Variants in NRXN3 observed in about 807,000 individuals in gnomAD.
NRXN3 encodes the protein neurexin III.
Under a neutral mutation model 137.6 loss-of-function variants are expected in NRXN3, and 32 were observed. That is an observed-to-expected ratio of 0.23 (90% CI 0.18 to 0.31). The LOEUF (loss-of-function observed/expected upper bound fraction) is 0.31, where lower values mean the gene tolerates loss of function less well. Ranked by LOEUF, NRXN3 falls within the 10% of genes least tolerant of loss-of-function variation. The pLI, the probability that NRXN3 is intolerant of heterozygous loss-of-function variation, is 1.00. For synonymous variants in NRXN3, 798 were observed against 784.5 expected, an observed-to-expected ratio of 1.02 and a Z score of -0.29; for missense variants, 1,574 against 2,062.5, an observed-to-expected ratio of 0.76 and a Z score of 4.59.
chr14:78,654,149 A>G (rs749279744), intron 6 of NRXN3, among the ~76,000 whole-genome samples: 4 of 152,180 alleles, frequency 2.6e-5, no homozygotes, highest in Non-Finnish European at 5.9e-5. Context: ...TTCTGTGGGC[A>G]GGTCTATGGA....
At chr14:79,790,472 A>C (rs562263130) in intron 19 of NRXN3, among the ~76,000 whole-genome samples, 2 of 150,902 alleles carry the variant, frequency 1.3e-5, no homozygotes, top group African/African-American at 2.4e-5. Context: ...CTAATGTTTA[A>C]TTTTTTTTTA....
At chr14:78,863,236 T>C (rs1313906896) in intron 10 of NRXN3, among the ~76,000 whole-genome samples, 1 of 152,140 alleles carries the variant, frequency 6.6e-6, no homozygotes, top group Non-Finnish European at 1.5e-5. Flanking sequence ...CTTATATGCA[T>C]GACAGCCAAA....
intron 16 of NRXN3, among the ~76,000 whole-genome samples, chr14:79,476,906 A>C (rs2096564596): frequency 1.3e-5 from 2 of 152,112 alleles, no homozygotes; most frequent in Admixed American, 1.3e-4. Flanking sequence ...TTACACCCCT[A>C]ATGAAAGTTT....
intron 4 of NRXN3, among the ~76,000 whole-genome samples, chr14:78,564,257 G>A (rs569814248): frequency 6.6e-6 from 1 of 152,198 alleles, no homozygotes; most frequent in Non-Finnish European, 1.5e-5. Flanking sequence ...TTTTGTCTCC[G>A]CCCTCTTTTG....
chr14:79,346,758 C>T (rs1280461117), intron 15 of NRXN3, among the ~76,000 whole-genome samples: 1 of 152,178 alleles, frequency 6.6e-6, no homozygotes. Flanking sequence ...GGTTCACTTA[C>T]ATCTCGCCTC....
intron 4 of NRXN3, among the ~76,000 whole-genome samples, chr14:78,540,435 CTTTTTTTTT>C (rs537566835): frequency 1.7e-5 from 2 of 116,600 alleles, no homozygotes; most frequent in East Asian, 2.5e-4. Context: ...GCAACCCCTG[CTTTTTTTTT>C]TTTTTTTTGC....
intron 15 of NRXN3, among the ~76,000 whole-genome samples, chr14:79,456,054 CTAAT>C (rs1405890257): frequency 5.9e-5 from 9 of 151,978 alleles, no homozygotes; most frequent in Non-Finnish European, 1.0e-4. Flanking sequence ...CATTAATACT[CTAAT>C]TATTAGGTTT....
intron 4 of NRXN3, among the ~76,000 whole-genome samples, chr14:78,312,847 C>T (rs1168639213): frequency 2.0e-5 from 3 of 152,110 alleles, no homozygotes; most frequent in Non-Finnish European, 2.9e-5. Context: ...AGATAAAATG[C>T]ATGAGCACTA....
rs746222725 is a variant in NRXN3, at chr14:79,820,473, A to C, written c.4093+15283A>C. 7.7e-4 allele frequency among the ~76,000 whole-genome samples: 117 copies of C among 152,302 alleles called. No individual in the cohort carries two copies. The Middle Eastern group carries it at 0.01, about 13-fold the overall frequency. ...AGATTTAGTACTACCAGCCAGATTT[A>C]GTACTACTGCAAAAATGGCTTTTCC... is the stretch of plus-strand genomic sequence containing the variant. On this transcript the variant is annotated intron_variant, in intron 20 of 20. Transcript: ENST00000335750.
intron 20 of NRXN3, among the ~76,000 whole-genome samples, chr14:79,850,107 A>G (rs1177109449): frequency 6.6e-6 from 1 of 152,224 alleles, no homozygotes; most frequent in African/African-American, 2.4e-5. Context: ...CATAGGAGAA[A>G]CAGATGTGGA....
chr14:78,225,974 G>GTTGGGGT (rs1394081828), intron 1 of NRXN3, among the ~76,000 whole-genome samples: 1 of 123,632 alleles, frequency 8.1e-6, no homozygotes, highest in Non-Finnish European at 1.7e-5. Context: ...TGTGTGTGTT[G>GTTGGGGT]GTGTGTGTGT....
At chr14:78,404,782 A>T (rs2092373083) in intron 4 of NRXN3, among the ~76,000 whole-genome samples, 1 of 152,200 alleles carries the variant, frequency 6.6e-6, no homozygotes, top group African/African-American at 2.4e-5. Context: ...TTAGAATGAT[A>T]AGATGGAGTA....
At chr14:79,795,857 ACT>A (rs763391269) in intron 19 of NRXN3, among the ~76,000 whole-genome samples, 6 of 151,804 alleles carry the variant, frequency 4.0e-5, no homozygotes, top group Non-Finnish European at 8.8e-5. Context: ...ACTAACATGC[ACT>A]CTTTTCTTGT....
chr14:78,418,334 G>A (rs1387057502), intron 4 of NRXN3, among the ~76,000 whole-genome samples: 1 of 152,168 alleles, frequency 6.6e-6, no homozygotes, highest in Non-Finnish European at 1.5e-5. Flanking sequence ...GGGCTGCCAA[G>A]CTTCTCTGAA....
intron 16 of NRXN3, among the ~76,000 whole-genome samples, chr14:79,524,384 C>T (rs554829805): frequency 4.3e-4 from 65 of 152,250 alleles, no homozygotes; most frequent in African/African-American, 1.4e-3. Flanking sequence ...TCTAAGTGGA[C>T]CTTACTTCTC....
chr14:79,132,100 C>A (rs2057601578), intron 15 of NRXN3, among the ~76,000 whole-genome samples: 1 of 152,244 alleles, frequency 6.6e-6, no homozygotes, highest in Non-Finnish European at 1.5e-5. Flanking sequence ...GTGAGATGAA[C>A]CTGGTACCTC....
At chr14:79,297,165 AG>A (rs2084321862) in intron 15 of NRXN3, among the ~76,000 whole-genome samples, 1 of 152,218 alleles carries the variant, frequency 6.6e-6, no homozygotes, top group East Asian at 1.9e-4. Context: ...CCCAGGCCAT[AG>A]GTTCTCATAA....
chr14:78,810,216 C>A, intron 9 of NRXN3, 102 bp from the exon 10 acceptor site: 1 of 698,082 alleles, frequency 1.4e-6, no homozygotes, highest in South Asian at 1.7e-5. Context: ...ACATTTCTTA[C>A]GTGTGTCTGT....
intron 15 of NRXN3, among the ~76,000 whole-genome samples, chr14:79,269,480 T>G (rs1422801125): frequency 2.6e-5 from 4 of 152,254 alleles, no homozygotes; most frequent in Non-Finnish European, 5.9e-5. Flanking sequence ...CTTCTGTATC[T>G]GAGTTTATCC....
Sources: gnomAD v4.1 joint callset for allele counts (sites outside exome capture counted in the v4.1 genomes callset) on GRCh38, gnomAD v4.1.1 for gene constraint, MANE v1.5 for transcripts, NCBI Gene and HGNC (gene_info 2026-07-23, HGNC 2026-07-21) for gene names.